The following CSNK2A2IP variants were observed in gnomAD, a reference collection of about 807,000 sequenced individuals.
The protein encoded by CSNK2A2IP is casein kinase 2 subunit alpha' interacting protein.
the CSNK2A2IP span, among the ~76,000 whole-genome samples, chr3:88,346,418 G>A: frequency 1.3e-5 from 2 of 152,016 alleles, no homozygotes; most frequent in South Asian, 2.1e-4. Flanking sequence ...AGAAGTCAAT[G>A]TCTGGCTTCA....
At chr3:88,356,724 G>A in the CSNK2A2IP span, among the ~76,000 whole-genome samples, 2 of 152,190 alleles carry the variant, frequency 1.3e-5, no homozygotes, top group Non-Finnish European at 2.9e-5. Flanking sequence ...CAGTGTAGGA[G>A]TGTTCCCCTT....
chr3:88,461,565 A>G, the CSNK2A2IP span, among the ~76,000 whole-genome samples: 3 of 152,138 alleles, frequency 2.0e-5, no homozygotes, highest in African/African-American at 7.2e-5. Flanking sequence ...AAATAAAATA[A>G]AATAAAAATA....
chr3:88,408,923 C>G, the CSNK2A2IP span, among the ~76,000 whole-genome samples: 1 of 151,718 alleles, frequency 6.6e-6, no homozygotes, highest in Non-Finnish European at 1.5e-5. Flanking sequence ...GAAATTTAAT[C>G]AAAATAAGTC....
At chr3:88,449,820 GACACACAC>G in the CSNK2A2IP span, among the ~76,000 whole-genome samples, 13 of 47,118 alleles carry the variant, frequency 2.8e-4, no homozygotes, top group African/African-American at 7.9e-4. Flanking sequence ...TTTATATCGA[GACACACAC>G]ACACACACAC....
chr3:88,373,929 T>C, the CSNK2A2IP span, among the ~76,000 whole-genome samples: 1 of 151,708 alleles, frequency 6.6e-6, no homozygotes, highest in African/African-American at 2.4e-5. Flanking sequence ...AGAGATAACC[T>C]AATAGTCCTG....
the CSNK2A2IP span, among the ~76,000 whole-genome samples, chr3:88,348,939 C>CATT: frequency 2.0e-5 from 3 of 151,772 alleles, no homozygotes; most frequent in East Asian, 3.9e-4. Flanking sequence ...AATATGTCAC[C>CATT]ATTATTATTT....
the CSNK2A2IP span, among the ~76,000 whole-genome samples, chr3:88,421,987 C>G: frequency 6.6e-6 from 1 of 152,158 alleles, no homozygotes; most frequent in Non-Finnish European, 1.5e-5. Context: ...CACTATGAAT[C>G]TATGTGCTAT....
the CSNK2A2IP span, among the ~76,000 whole-genome samples, chr3:88,403,232 A>G: frequency 6.6e-6 from 1 of 152,112 alleles, no homozygotes; most frequent in Non-Finnish European, 1.5e-5. Flanking sequence ...ATTTAAAAAT[A>G]CCTATAAAAC....
the CSNK2A2IP span, among the ~76,000 whole-genome samples, chr3:88,415,815 C>T: frequency 1.3e-5 from 2 of 151,952 alleles, no homozygotes; most frequent in Non-Finnish European, 2.9e-5. Flanking sequence ...TTTTCTTTGT[C>T]CCTGCAACCT....
chr3:88,428,880 G>T, the CSNK2A2IP span, among the ~76,000 whole-genome samples: 1 of 151,718 alleles, frequency 6.6e-6, no homozygotes, highest in African/African-American at 2.4e-5. Flanking sequence ...ATTGACTAAT[G>T]ATATCTACAG....
At chr3:88,370,610 C>CTCTCTT in the CSNK2A2IP span, among the ~76,000 whole-genome samples, 1,855 of 148,050 alleles carry the variant, frequency 0.013, 43 homozygotes, top group African/African-American at 0.039. Flanking sequence ...CTCTCTCTCT[C>CTCTCTT]TCTTTCTTTC....
At chr3:88,461,207 T>C in the CSNK2A2IP span, among the ~76,000 whole-genome samples, 1 of 152,208 alleles carries the variant, frequency 6.6e-6, no homozygotes, top group African/African-American at 2.4e-5. Flanking sequence ...TATTCTGCTA[T>C]TGATTGACAG....
chr3:88,427,100 G>A, the CSNK2A2IP span, among the ~76,000 whole-genome samples: 1 of 152,138 alleles, frequency 6.6e-6, no homozygotes, highest in Non-Finnish European at 1.5e-5. Flanking sequence ...CTTGTTGAAT[G>A]GCTTTGACTA....
At chr3:88,417,042 A>C in the CSNK2A2IP span, among the ~76,000 whole-genome samples, 1 of 151,626 alleles carries the variant, frequency 6.6e-6, no homozygotes, top group Non-Finnish European at 1.5e-5. Context: ...TTTTTCTTGC[A>C]AATGAGATCA....
At chr3:88,425,758 G>A in the CSNK2A2IP span, among the ~76,000 whole-genome samples, 1 of 152,048 alleles carries the variant, frequency 6.6e-6, no homozygotes, top group Non-Finnish European at 1.5e-5. Context: ...ATATTTTGAC[G>A]TATTCCTTAT....
At chr3:88,446,086 CTTTCTTTCTTTCTTTTTTTCTTTCTTTCT>C in the CSNK2A2IP span, among the ~76,000 whole-genome samples, 2 of 83,768 alleles carry the variant, frequency 2.4e-5, no homozygotes, top group East Asian at 3.2e-4. Flanking sequence ...TTCTTTCTTT[CTTTCTTTCTTTCTTTTTTTCTTTCTTTCT>C]TTTTTTTCTT....
chr3:88,403,367 G>C, the CSNK2A2IP span, among the ~76,000 whole-genome samples: 20 of 151,958 alleles, frequency 1.3e-4, no homozygotes, highest in African/African-American at 4.6e-4. Flanking sequence ...CTTTATTCTA[G>C]ACTGGCTAAT....
At chr3:88,464,385 A>G in the CSNK2A2IP span, among the ~76,000 whole-genome samples, 1 of 151,526 alleles carries the variant, frequency 6.6e-6, no homozygotes, top group Non-Finnish European at 1.5e-5. Context: ...GTGATTACTT[A>G]GGAATAAACT....
At chr3:88,411,650 A>C in the CSNK2A2IP span, among the ~76,000 whole-genome samples, 1 of 151,856 alleles carries the variant, frequency 6.6e-6, no homozygotes, top group African/African-American at 2.4e-5. Context: ...AAAAATTTTT[A>C]AGTTTGTTTG....
Sources: gnomAD v4.1 joint callset for allele counts (sites outside exome capture counted in the v4.1 genomes callset) on GRCh38, gnomAD v4.1.1 for gene constraint, MANE v1.5 for transcripts, NCBI Gene and HGNC (gene_info 2026-07-23, HGNC 2026-07-21) for gene names.